Variants in HMCN1 observed in about 807,000 individuals in gnomAD.
The protein encoded by HMCN1 is hemicentin-1.
Under a neutral mutation model 625.9 loss-of-function variants are expected in HMCN1, and 321 were observed. That is an observed-to-expected ratio of 0.51 (90% CI 0.47 to 0.56). The LOEUF (loss-of-function observed/expected upper bound fraction) is 0.56. HMCN1 is among the 20% of genes least tolerant of loss of function. HMCN1 has a pLI of 0.00. For missense variants in HMCN1, 6,588 were observed against 6,887.3 expected (o/e 0.96, Z 1.54); for synonymous variants, 2,425 against 2,417.6 (o/e 1.00, Z -0.09).
At chr1:186,057,593 A>G (rs1657425676) in intron 46 of HMCN1, among the ~76,000 whole-genome samples, 192 bp downstream of exon 46, 1 of 151,966 alleles carries the variant, frequency 6.6e-6, no homozygotes, top group Non-Finnish European at 1.5e-5. Flanking sequence ...AAATCTCCAA[A>G]TATCTCTAGA....
chr1:185,913,666 C>T (rs111985193), intron 6 of HMCN1, among the ~76,000 whole-genome samples: 20 of 152,180 alleles, frequency 1.3e-4, no homozygotes, highest in African/African-American at 4.8e-4. Flanking sequence ...TACCTATTTC[C>T]AGGTGATTTG....
rs12081666 is a variant in HMCN1, at chr1:185,997,732, A to G, written c.3874+208A>G. Among the ~76,000 whole-genome samples the G allele has an allele frequency of 0.013, 2,015 of 151,688 alleles. 53 individuals are homozygous for G. Among genetic ancestry groups the G allele is most frequent in the African/African-American group, 0.045 (1,878 of 41,410 alleles). On this transcript the variant is annotated intron_variant, in intron 25 of 106. Transcript: ENST00000271588. ...AGGTATTTTATTTCTTTCAATGTAA[A>G]GACTTTCCATTCTTTCAAACTTGCC...
intron 39 of HMCN1, among the ~76,000 whole-genome samples, chr1:186,040,342 C>T (rs576407241): frequency 4.6e-5 from 7 of 151,876 alleles, no homozygotes; most frequent in Admixed American, 2.0e-4. Context: ...TAAAACATCA[C>T]GAGAAATAAA....
chr1:185,912,186 G>A (rs553619909), intron 6 of HMCN1, among the ~76,000 whole-genome samples: 14 of 152,290 alleles, frequency 9.2e-5, no homozygotes, highest in African/African-American at 3.4e-4. Flanking sequence ...CTGGGGAGCA[G>A]AACTTCTCTG....
intron 1 of HMCN1, among the ~76,000 whole-genome samples, chr1:185,777,435 C>T (rs1571335356): frequency 6.6e-6 from 1 of 152,016 alleles, no homozygotes; most frequent in East Asian, 1.9e-4. Flanking sequence ...AACTGCGGTG[C>T]ACTATGCTTG....
chr1:185,961,887 G>T (rs1329384294), intron 11 of HMCN1, among the ~76,000 whole-genome samples: 1 of 152,090 alleles, frequency 6.6e-6, no homozygotes. Flanking sequence ...CTTGGGAGGG[G>T]CAGGCAGACA....
intron 11 of HMCN1, among the ~76,000 whole-genome samples, chr1:185,935,248 C>CTTTTTTTTTTTTTTTTTTTTTTTTTTTT (rs1667755911): frequency 6.6e-6 from 1 of 152,024 alleles, no homozygotes; most frequent in African/African-American, 2.4e-5. Context: ...CATAATTTTT[C>CTTTTTTTTTTTTTTTTTTTTTTTTTTTT]TATTTAGTGC....
At position 186,078,765 on chromosome 1, in the gene HMCN1, G is replaced by A. The variant is rs1658981131; in HGVS notation, c.8599+545G>A. On this transcript the variant is annotated intron_variant, in intron 55 of 106. Coordinates refer to ENST00000271588, the MANE Select transcript of HMCN1 (RefSeq NM_031935.3). Reference sequence around the variant, plus strand: ...ATCCATCCAGAGCCAATCACAGACAGCAAGAGGTTGCAATGTTCTAATTGA... The same window carrying A: ...ATCCATCCAGAGCCAATCACAGACAACAAGAGGTTGCAATGTTCTAATTGA... Among the ~76,000 whole-genome samples the A allele has an allele frequency of 2.0e-5, 3 of 152,192 alleles. No individual in the cohort carries two copies. In the South Asian group the frequency reaches 6.2e-4, roughly 31 times the overall value.
chr1:185,770,846 T>A (rs1656192924), intron 1 of HMCN1, among the ~76,000 whole-genome samples: 1 of 152,198 alleles, frequency 6.6e-6, no homozygotes, highest in South Asian at 2.1e-4. Context: ...AGGGCCTTAT[T>A]AAGGCAGTGT....
At chr1:186,059,969 C>T (rs1657580098) in intron 46 of HMCN1, among the ~76,000 whole-genome samples, 1 of 152,010 alleles carries the variant, frequency 6.6e-6, no homozygotes, top group South Asian at 2.1e-4. Context: ...CAACTGGAAT[C>T]ATATTATGAT....
chr1:186,078,784 TAA>T (rs1658984717), intron 55 of HMCN1, among the ~76,000 whole-genome samples: 1 of 152,232 alleles, frequency 6.6e-6, no homozygotes, highest in Admixed American at 6.5e-5. Flanking sequence ...TGCAATGTTC[TAA>T]TTGATAAGGT....
chr1:186,088,470 C>A, intron 62 of HMCN1, 136 bp from the exon 63 acceptor site: 4 of 1,360,608 alleles, frequency 2.9e-6, no homozygotes, highest in South Asian at 1.4e-5. Context: ...AGAATTTTTT[C>A]TTTTTTAAAA....
intron 4 of HMCN1, among the ~76,000 whole-genome samples, chr1:185,905,276 C>T (rs1666033052): frequency 6.6e-6 from 1 of 151,456 alleles, no homozygotes; most frequent in Non-Finnish European, 1.5e-5. Context: ...TTTATCTCTC[C>T]CTCCCACACA....
intron 80 of HMCN1, 135 bp downstream of exon 80, chr1:186,120,280 G>T: frequency 2.0e-6 from 2 of 1,002,602 alleles, no homozygotes; most frequent in South Asian, 1.7e-5. Flanking sequence ...TTATCCTATT[G>T]GTTTTTCTAT....
At chr1:186,093,005 T>C (rs1170718372) in intron 64 of HMCN1, 129 bp from the exon 65 acceptor site, 1 of 1,178,190 alleles carries the variant, frequency 8.5e-7, no homozygotes, top group Non-Finnish European at 1.3e-6. Context: ...TGAGACTCGC[T>C]ACTGTAGAAT....
intron 4 of HMCN1, among the ~76,000 whole-genome samples, chr1:185,881,483 AG>A (rs1664308414): frequency 6.6e-6 from 1 of 152,054 alleles, no homozygotes; most frequent in South Asian, 2.1e-4. Context: ...CTGCCAGCTG[AG>A]TCTGGGGTCT....
chr1:186,165,196 G>T, intron 98 of HMCN1, 23 bp downstream of exon 98: 1 of 1,600,870 alleles, frequency 6.2e-7, no homozygotes, highest in Non-Finnish European at 8.6e-7. Flanking sequence ...ATAAATAAAG[G>T]GTTTTCTTTT....
At chr1:185,765,443 A>G (rs1363672109) in intron 1 of HMCN1, among the ~76,000 whole-genome samples, 1 of 152,208 alleles carries the variant, frequency 6.6e-6, no homozygotes, top group Non-Finnish European at 1.5e-5. Flanking sequence ...AGTAATAGTA[A>G]TAGCTGATCT....
At position 186,095,829 on chromosome 1, in the gene HMCN1, G is replaced by A. The variant is rs535737147; in HGVS notation, c.10573+308G>A. Among the ~76,000 whole-genome samples, 17 of 152,138 alleles carry A rather than the reference G, an allele frequency of 1.1e-4. No homozygotes were observed. In the East Asian group the frequency reaches 1.2e-3, roughly 10 times the overall value. ...TTTGCCAAGAATTGAAAACACATCC[G>A]ATTATAGAAATTTGATGAAAAAGCA... On this transcript the variant is annotated intron_variant, in intron 68 of 106. Transcript: ENST00000271588.
Sources: gnomAD v4.1 joint callset for allele counts (sites outside exome capture counted in the v4.1 genomes callset) on GRCh38, gnomAD v4.1.1 for gene constraint, MANE v1.5 for transcripts, NCBI Gene and HGNC (gene_info 2026-07-23, HGNC 2026-07-21) for gene names.